ST8SIA2: variants seen among roughly 807,000 people sequenced by gnomAD.
The protein encoded by ST8SIA2 is alpha-2,8-sialyltransferase 8B.
Under a neutral mutation model 37.6 loss-of-function variants are expected in ST8SIA2, and 22 were observed. That is an observed-to-expected ratio of 0.58 (90% CI 0.42 to 0.83). ST8SIA2 has a LOEUF of 0.83. Ranked by LOEUF, ST8SIA2 falls within the 40% of genes least tolerant of loss-of-function variation. ST8SIA2 has a pLI of 0.00. For synonymous variants in ST8SIA2, 205 were observed against 201.2 expected (o/e 1.02, Z -0.16); for missense variants, 382 against 484.7 (o/e 0.79, Z 1.99).
intron 1 of ST8SIA2, among the ~76,000 whole-genome samples, chr15:92,411,590 C>A (rs1195737808): frequency 6.6e-6 from 1 of 152,052 alleles, no homozygotes; most frequent in African/African-American, 2.4e-5. Flanking sequence ...GAAATGAAGA[C>A]AATTTAAAAA....
At chr15:92,418,767 G>A (rs1264947001) in intron 1 of ST8SIA2, among the ~76,000 whole-genome samples, 1 of 152,102 alleles carries the variant, frequency 6.6e-6, no homozygotes, top group Non-Finnish European at 1.5e-5. Flanking sequence ...AAATCTTGTT[G>A]GGTGTAAATA....
chr15:92,434,430 G>T, intron 3 of ST8SIA2, 55 bp downstream of exon 3: 1 of 1,612,034 alleles, frequency 6.2e-7, no homozygotes, highest in Middle Eastern at 1.7e-4. Context: ...GCATACACGG[G>T]CAAATTGCTT....
At chr15:92,412,652 T>G (rs2141812228) in intron 1 of ST8SIA2, among the ~76,000 whole-genome samples, 1 of 152,156 alleles carries the variant, frequency 6.6e-6, no homozygotes, top group East Asian at 1.9e-4. Flanking sequence ...GTTTTTGTTT[T>G]TGTTTTGTTT....
chr15:92,405,563 A>G (rs1596229603), intron 1 of ST8SIA2, among the ~76,000 whole-genome samples: 3 of 132,258 alleles, frequency 2.3e-5, no homozygotes, highest in African/African-American at 7.4e-5. Context: ...GGACACACTG[A>G]CTTATTTTAA....
At chr15:92,424,186 T>TA (rs2049657243) in intron 1 of ST8SIA2, among the ~76,000 whole-genome samples, 1 of 152,238 alleles carries the variant, frequency 6.6e-6, no homozygotes, top group Non-Finnish European at 1.5e-5. Flanking sequence ...GACTCTTAAT[T>TA]AAAATTGTCA....
intron 5 of ST8SIA2, among the ~76,000 whole-genome samples, chr15:92,459,681 C>A (rs1238350874): frequency 6.6e-6 from 1 of 152,112 alleles, no homozygotes; most frequent in Admixed American, 6.5e-5. Flanking sequence ...TTCACTGCAA[C>A]CTCTGCCTCC....
intron 5 of ST8SIA2, among the ~76,000 whole-genome samples, chr15:92,450,301 A>T (rs978882510): frequency 2.0e-5 from 3 of 152,218 alleles, no homozygotes; most frequent in African/African-American, 7.2e-5. Context: ...TGGAATAGAC[A>T]TTTCTCCAAA....
intron 1 of ST8SIA2, among the ~76,000 whole-genome samples, chr15:92,401,452 T>A (rs1180500525): frequency 6.6e-6 from 1 of 152,210 alleles, no homozygotes; most frequent in Non-Finnish European, 1.5e-5. Flanking sequence ...GTGTGTCCCA[T>A]GTTTTCTCAG....
At chr15:92,419,402 G>A (rs552306633) in intron 1 of ST8SIA2, among the ~76,000 whole-genome samples, 6 of 152,278 alleles carry the variant, frequency 3.9e-5, no homozygotes, top group South Asian at 2.1e-4. Flanking sequence ...GGTCATCTTC[G>A]GTGATTTGGG....
At chr15:92,443,858 T>C (rs1055397586) in intron 4 of ST8SIA2, among the ~76,000 whole-genome samples, 4 of 152,238 alleles carry the variant, frequency 2.6e-5, no homozygotes, top group Non-Finnish European at 5.9e-5. Context: ...ATGCTTAGGC[T>C]CACCTGCTGA....
intron 1 of ST8SIA2, among the ~76,000 whole-genome samples, chr15:92,409,493 C>A (rs1026592955): frequency 6.6e-6 from 1 of 150,844 alleles, no homozygotes; most frequent in African/African-American, 2.5e-5. Flanking sequence ...GTTGTTCTGT[C>A]TGGACTAGGT....
At chr15:92,412,274 G>A (rs762703860) in intron 1 of ST8SIA2, among the ~76,000 whole-genome samples, 17 of 151,598 alleles carry the variant, frequency 1.1e-4, no homozygotes, top group Non-Finnish European at 1.9e-4. Context: ...AATGAGAGGA[G>A]GGAAGGAAGG....
At chr15:92,397,082 T>A (rs182906101) in intron 1 of ST8SIA2, among the ~76,000 whole-genome samples, 1 of 152,324 alleles carries the variant, frequency 6.6e-6, no homozygotes, top group Admixed American at 6.5e-5. Context: ...AAAGGATGGC[T>A]GTTTCTGGAA....
At chr15:92,461,531 C>G (rs908747217) in intron 5 of ST8SIA2, among the ~76,000 whole-genome samples, 5 of 152,136 alleles carry the variant, frequency 3.3e-5, no homozygotes, top group African/African-American at 1.2e-4. Flanking sequence ...CCATGGGTGC[C>G]CAGAGGGACA....
At chr15:92,433,638 T>C (rs912075103) in intron 2 of ST8SIA2, among the ~76,000 whole-genome samples, 2 of 152,228 alleles carry the variant, frequency 1.3e-5, no homozygotes, top group African/African-American at 4.8e-5. Flanking sequence ...GCACCCGCTA[T>C]GTTAGACCAT....
At chr15:92,433,462 T>C (rs532439986) in intron 2 of ST8SIA2, among the ~76,000 whole-genome samples, 1 of 152,316 alleles carries the variant, frequency 6.6e-6, no homozygotes, top group Admixed American at 6.5e-5. Context: ...AGCCTCTGAA[T>C]TCAAGCCAGT....
Position 92,444,777 on chromosome 15 carries a change from G to A in ST8SIA2, c.690G>A (p.Leu230=). Residue 230 remains leucine, a synonymous_variant, in exon 5 of 6, where the codon CTG becomes CTA. Transcript: ENST00000268164. ...GGCGGGAGAAGCTGCTGCAACGGCT[G>A]CACAGCCTCAATGGCAGCATCCTGT... ...ATWREKLLQR[L]HSLNGSILWI... 3 of 1,614,086 alleles carry A rather than the reference G, an allele frequency of 1.9e-6. No individual in the cohort carries two copies. Among genetic ancestry groups the A allele is most frequent in the South Asian group, 1.1e-5 (1 of 91,084 alleles).
chr15:92,449,203 A>G (rs1268455866), intron 5 of ST8SIA2, among the ~76,000 whole-genome samples: 1 of 152,154 alleles, frequency 6.6e-6, no homozygotes, highest in Non-Finnish European at 1.5e-5. Context: ...CTTTATGTCC[A>G]TGAATACCCA....
At chr15:92,410,688 A>G (rs1210103382) in intron 1 of ST8SIA2, among the ~76,000 whole-genome samples, 1 of 152,260 alleles carries the variant, frequency 6.6e-6, no homozygotes, top group Non-Finnish European at 1.5e-5. Flanking sequence ...TTATGAGAGT[A>G]GTATATCAGC....
Sources: gnomAD v4.1 joint callset for allele counts (sites outside exome capture counted in the v4.1 genomes callset) on GRCh38, gnomAD v4.1.1 for gene constraint, MANE v1.5 for transcripts, NCBI Gene and HGNC (gene_info 2026-07-23, HGNC 2026-07-21) for gene names.